Variants in SYNJ1 observed in about 807,000 individuals in gnomAD.
The protein encoded by SYNJ1 is polyphosphatidylinositol phosphatase SYNJ1.
SYNJ1 carries 78 observed loss-of-function variants against 168.2 expected under a neutral mutation model. The observed-to-expected ratio is 0.46, with a 90% CI of 0.39 to 0.56. The LOEUF is 0.56. SYNJ1 is among the 20% of genes least tolerant of loss of function. The pLI is 0.00. For missense variants in SYNJ1, 1,303 were observed against 1,597.6 expected (o/e 0.82, Z 3.14); for synonymous variants, 539 against 548.6 (o/e 0.98, Z 0.24).
intron 18 of SYNJ1, among the ~76,000 whole-genome samples, chr21:32,658,293 A>G (rs1226240459): frequency 6.6e-6 from 1 of 152,176 alleles, no homozygotes; most frequent in Non-Finnish European, 1.5e-5. Context: ...AGGCAGCTGG[A>G]TGTCAGAGAG....
In SYNJ1 at chr21:32,680,652, C is replaced by T. The variant is rs189631667; in HGVS notation, c.1353+844G>A. Among the ~76,000 whole-genome samples the T allele has an allele frequency of 8.1e-3, 1,230 of 151,780 alleles. 10 individuals carry two copies. The highest frequency in any genetic ancestry group is 0.011 in the Non-Finnish European group (774 of 67,956). On this transcript the variant is annotated intron_variant, in intron 11 of 32. Transcript: ENST00000674351. ...TTTGGAACAGAGTCTCACTCTGTCA[C>T]TCAGGCTGGATGGAGTGCAGTGGCG...
At chr21:32,721,948 G>A (rs917530980) in intron 2 of SYNJ1, among the ~76,000 whole-genome samples, 1 of 152,032 alleles carries the variant, frequency 6.6e-6, no homozygotes, top group South Asian at 2.1e-4. Context: ...CACTTTGGGA[G>A]GCCAAGGCGG....
At position 32,630,131 on chromosome 21, in the gene SYNJ1, G is replaced by A. The variant is rs1241510239; in HGVS notation, c.*1674C>T. 1 of 152,176 alleles carries A rather than the reference G, an allele frequency of 6.6e-6. No homozygotes were observed. Among genetic ancestry groups the A allele is most frequent in the Non-Finnish European group, 1.5e-5 (1 of 68,030 alleles). 9.4% of individuals were successfully genotyped at this position (152,176 alleles called of 1,614,324 possible). On this transcript the variant is annotated 3_prime_UTR_variant, in exon 33 of 33. Coordinates refer to ENST00000674351, the MANE Select transcript of SYNJ1 (RefSeq NM_203446.3). ...GGTATGTGCCTTCCCTGCATATAAG[G>A]CCATAGTGCTTTTTTGGGAGCGCTA... is the stretch of plus-strand genomic sequence containing the variant.
At chr21:32,701,781 A>G (rs2042411858) in intron 3 of SYNJ1, among the ~76,000 whole-genome samples, 180 bp downstream of exon 3, 1 of 152,136 alleles carries the variant, frequency 6.6e-6, no homozygotes, top group African/African-American at 2.4e-5. Flanking sequence ...AGCATGTAGC[A>G]CGCCTTTTTG....
chr21:32,641,062 C>A lies in SYNJ1; in HGVS notation c.3588+834G>T, dbSNP rs2039812735. 3.3e-5 allele frequency among the ~76,000 whole-genome samples: 5 copies of A among 152,176 alleles called. No homozygotes were observed. The South Asian group carries it at 1.0e-3, about 32-fold the overall frequency. On this transcript the variant is annotated intron_variant, in intron 29 of 32. Coordinates refer to ENST00000674351, the MANE Select transcript of SYNJ1 (RefSeq NM_203446.3). Reference sequence around the variant, plus strand: ...AGTAATATTACATATAAAAAAGAACCTTCAGATTGTTAAGTGGACAGCTAC... The same window carrying A: ...AGTAATATTACATATAAAAAAGAACATTCAGATTGTTAAGTGGACAGCTAC...
chr21:32,647,858 G>A (rs548470427), intron 23 of SYNJ1, among the ~76,000 whole-genome samples: 1 of 152,280 alleles, frequency 6.6e-6, no homozygotes, highest in African/African-American at 2.4e-5. Flanking sequence ...GGCCTAAAGT[G>A]CCTGGCAATT....
chr21:32,695,938 C>A (rs559417730), intron 4 of SYNJ1, among the ~76,000 whole-genome samples: 7 of 152,116 alleles, frequency 4.6e-5, no homozygotes, highest in African/African-American at 1.7e-4. Context: ...GCTCTGCCTC[C>A]CAGTTTTATG....
At chr21:32,661,650 G>T (rs1163378038) in intron 18 of SYNJ1, among the ~76,000 whole-genome samples, 1 of 152,140 alleles carries the variant, frequency 6.6e-6, no homozygotes, top group African/African-American at 2.4e-5. Context: ...GAAAGGTGGA[G>T]CGAATGAATC....
At chr21:32,669,020 T>C (rs1308137402) in intron 15 of SYNJ1, among the ~76,000 whole-genome samples, 3 of 152,192 alleles carry the variant, frequency 2.0e-5, no homozygotes, top group Non-Finnish European at 4.4e-5. Context: ...CGCCTAAGAA[T>C]GTCCTTGATG....
At chr21:32,687,243 C>T (rs983935425) in intron 7 of SYNJ1, among the ~76,000 whole-genome samples, 169 bp from the exon 8 acceptor site, 4 of 152,194 alleles carry the variant, frequency 2.6e-5, no homozygotes, top group African/African-American at 9.7e-5. Flanking sequence ...TTTACGAAAA[C>T]TCATGAATGC....
chr21:32,703,090 CAG>C (rs2042469977), intron 2 of SYNJ1, among the ~76,000 whole-genome samples: 2 of 152,394 alleles, frequency 1.3e-5, no homozygotes, highest in South Asian at 2.1e-4. Flanking sequence ...CACCTCTTTT[CAG>C]ACCACGTAGG....
intron 14 of SYNJ1, among the ~76,000 whole-genome samples, 182 bp from the exon 15 acceptor site, chr21:32,670,554 G>A (rs1018059455): frequency 1.3e-5 from 2 of 152,122 alleles, no homozygotes; most frequent in Non-Finnish European, 2.9e-5. Context: ...CTTTCTATTA[G>A]GGTGTCCTAA....
At chr21:32,664,565 T>G (rs1484031129) in intron 18 of SYNJ1, among the ~76,000 whole-genome samples, 2 of 152,030 alleles carry the variant, frequency 1.3e-5, no homozygotes, top group African/African-American at 2.4e-5. Flanking sequence ...CCATACCCCC[T>G]GCTTGCTCAA....
At chr21:32,725,865 G>C (rs2043427314) in intron 2 of SYNJ1, among the ~76,000 whole-genome samples, 1 of 151,730 alleles carries the variant, frequency 6.6e-6, no homozygotes, top group Non-Finnish European at 1.5e-5. Flanking sequence ...TTTTGAAACA[G>C]GGTCTCACTG....
intron 14 of SYNJ1, chr21:32,670,758 T>A: frequency 2.1e-6 from 2 of 974,860 alleles, no homozygotes; most frequent in Non-Finnish European, 2.4e-6. Flanking sequence ...AGAAACTACC[T>A]CAAATTGCTG....
chr21:32,647,611 CATCT>C (rs1485822824), intron 23 of SYNJ1, among the ~76,000 whole-genome samples: 5 of 152,172 alleles, frequency 3.3e-5, no homozygotes, highest in Non-Finnish European at 7.3e-5. Flanking sequence ...CTTTTACCTC[CATCT>C]GATTCTGCTT....
chr21:32,698,674 G>A (rs997657150), intron 4 of SYNJ1, among the ~76,000 whole-genome samples: 1 of 152,116 alleles, frequency 6.6e-6, no homozygotes, highest in Non-Finnish European at 1.5e-5. Context: ...CACCATTTGT[G>A]CCTACTTAGA....
At chr21:32,706,538 G>A (rs1008804971) in intron 2 of SYNJ1, among the ~76,000 whole-genome samples, 2 of 149,288 alleles carry the variant, frequency 1.3e-5, no homozygotes, top group African/African-American at 4.9e-5. Context: ...AAAGTTATTT[G>A]TACTATACTT....
chr21:32,640,496 C>T (rs1333316873), intron 29 of SYNJ1, among the ~76,000 whole-genome samples: 8 of 152,114 alleles, frequency 5.3e-5, no homozygotes, highest in African/African-American at 1.7e-4. Context: ...GGGGTTTCAC[C>T]ATGTTGGCCA....
Sources: gnomAD v4.1 joint callset for allele counts (sites outside exome capture counted in the v4.1 genomes callset) on GRCh38, gnomAD v4.1.1 for gene constraint, MANE v1.5 for transcripts, NCBI Gene and HGNC (gene_info 2026-07-23, HGNC 2026-07-21) for gene names.